Variants in HYDIN observed in about 807,000 individuals in gnomAD.
The protein encoded by HYDIN is HYDIN axonemal central pair apparatus protein.
Under a neutral mutation model 403.9 loss-of-function variants are expected in HYDIN, and 132 were observed. That is an observed-to-expected ratio of 0.33 (90% confidence interval 0.28 to 0.38). The LOEUF (loss-of-function observed/expected upper bound fraction) is 0.38, where lower values mean the gene tolerates loss of function less well. Ranked by LOEUF, HYDIN falls within the 10% of genes least tolerant of loss-of-function variation. HYDIN has a pLI of 1.00. For missense variants in HYDIN, 2,827 were observed against 5,009.5 expected (o/e 0.56, Z 13.15); for synonymous variants, 1,202 against 1,891.7 (o/e 0.64, Z 9.46).
At chr16:70,940,368 T>C (rs1467207211) in intron 43 of HYDIN, among the ~76,000 whole-genome samples, 1 of 151,822 alleles carries the variant, frequency 6.6e-6, no homozygotes, top group African/African-American at 2.4e-5. Context: ...TAATCACAGA[T>C]AAGAATAATA....
intron 1 of HYDIN, among the ~76,000 whole-genome samples, chr16:71,196,915 A>T (rs1261656600): frequency 1.3e-5 from 2 of 152,240 alleles, no homozygotes; most frequent in Non-Finnish European, 2.9e-5. Context: ...TGTTTAGCAT[A>T]TAATCAATAA....
At chr16:70,847,569 T>G (rs1365992288) in intron 75 of HYDIN, among the ~76,000 whole-genome samples, 1 of 152,172 alleles carries the variant, frequency 6.6e-6, no homozygotes, top group South Asian at 2.1e-4. Context: ...GGCAGAATAA[T>G]GGGAACTATT....
In HYDIN at chr16:71,036,817, A is replaced by T. The variant is rs1164636275; in HGVS notation, c.2530-4900T>A. ...CACGAGTCAGCCTCGAAACTACTCT[A>T]TCATCCTTGTGTCTCTTTGGTGGTT... On this transcript the variant is annotated intron_variant, in intron 18 of 85. Coordinates refer to ENST00000393567, the MANE Select transcript of HYDIN (RefSeq NM_001270974.2). Among the ~76,000 whole-genome samples the T allele has an allele frequency of 2.0e-5, 3 of 152,146 alleles. No individual in the cohort carries two copies. In the East Asian group the frequency reaches 5.8e-4, roughly 29 times the overall value.
chr16:71,167,664 C>T (rs900836423), intron 5 of HYDIN, among the ~76,000 whole-genome samples: 35 of 152,176 alleles, frequency 2.3e-4, no homozygotes, highest in African/African-American at 7.0e-4. Flanking sequence ...TCAATTCACA[C>T]ACCCATAAAA....
In HYDIN at chr16:70,949,295, C is replaced by T. The variant is rs908031468; in HGVS notation, c.6531+3126G>A. Among the ~76,000 whole-genome samples the T allele has an allele frequency of 2.3e-4, 26 of 114,448 alleles. 1 individual carries two copies. The East Asian group carries it at 2.4e-3, about 10-fold the overall frequency. The allele number at this position is 114,448 out of a possible 152,430, so 75.1% of individuals were successfully genotyped here. ...GACACAGGAAGGGGAACATCACACT[C>T]TGGGGACTGTTGTGGGGTGGGGGGA... On this transcript the variant is annotated intron_variant, in intron 41 of 85. Transcript: ENST00000393567.
intron 41 of HYDIN, among the ~76,000 whole-genome samples, chr16:70,946,697 G>C (rs2077873677): frequency 6.6e-6 from 1 of 152,196 alleles, no homozygotes; most frequent in Non-Finnish European, 1.5e-5. Flanking sequence ...TTAGTCATCT[G>C]TAAAGTGAGA....
At chr16:70,957,190 T>G (rs1266879014) in intron 39 of HYDIN, among the ~76,000 whole-genome samples, 88 of 150,670 alleles carry the variant, frequency 5.8e-4, no homozygotes, top group African/African-American at 2.0e-3. Flanking sequence ...TCTTTCTAGC[T>G]CTATGAATTT....
intron 30 of HYDIN, among the ~76,000 whole-genome samples, chr16:70,977,602 G>C (rs2078923981): frequency 6.8e-6 from 1 of 146,482 alleles, no homozygotes; most frequent in Non-Finnish European, 1.5e-5. Context: ...CCACATATAT[G>C]ATTCTTCCTT....
chr16:71,071,334 C>T lies in HYDIN; in HGVS notation c.1739-1832G>A, dbSNP rs112966866. On this transcript the variant is annotated intron_variant, in intron 13 of 85. Transcript: ENST00000393567. ...TCAAGAAGCCTAAAGGAAGGGGATG[C>T]TGATTTGTTAAAGACTGAAGGTCAT... Among the ~76,000 whole-genome samples, 1,408 of 151,798 alleles carry T rather than the reference C, an allele frequency of 9.3e-3. 17 individuals are homozygous for T. The highest frequency in any genetic ancestry group is 0.032 in the African/African-American group (1,336 of 41,324).
At chr16:71,125,827 C>T (rs761906310) in intron 9 of HYDIN, among the ~76,000 whole-genome samples, 147 of 152,280 alleles carry the variant, frequency 9.7e-4, no homozygotes, top group Non-Finnish European at 1.2e-3. Flanking sequence ...CACCCCTGGG[C>T]TGTTCCAGGT....
intron 55 of HYDIN, 155 bp downstream of exon 55, chr16:70,894,294 T>C (rs2041659796): frequency 6.3e-6 from 4 of 631,546 alleles, no homozygotes; most frequent in Admixed American, 3.0e-5. Flanking sequence ...TTTCCTTGAC[T>C]GACTGATAAG....
intron 18 of HYDIN, among the ~76,000 whole-genome samples, chr16:71,042,099 A>G (rs2081303172): frequency 6.6e-6 from 1 of 150,786 alleles, no homozygotes; most frequent in South Asian, 2.1e-4. Flanking sequence ...ATATTTGCAT[A>G]CGTTGTTTCT....
At chr16:70,961,464 C>G (rs535849090) in intron 38 of HYDIN, among the ~76,000 whole-genome samples, 1 of 152,318 alleles carries the variant, frequency 6.6e-6, no homozygotes, top group Non-Finnish European at 1.5e-5. Context: ...TTATAATGAC[C>G]AGCAAATGGC....
At chr16:71,097,960 T>C (rs1341085367) in intron 10 of HYDIN, among the ~76,000 whole-genome samples, 1 of 152,214 alleles carries the variant, frequency 6.6e-6, no homozygotes, top group East Asian at 1.9e-4. Flanking sequence ...GTATCTTTAA[T>C]GCTTTTTCCC....
chr16:70,938,237 T>C (rs926810009), intron 44 of HYDIN, among the ~76,000 whole-genome samples: 3 of 152,158 alleles, frequency 2.0e-5, no homozygotes, highest in African/African-American at 7.2e-5. Context: ...GCTGTGGACA[T>C]TGAAGCACCG....
chr16:70,935,866 C>CAA, intron 45 of HYDIN, 86 bp downstream of exon 45: 2 of 374,970 alleles, frequency 5.3e-6, no homozygotes, highest in Non-Finnish European at 9.1e-6. Context: ...AAAATCCCAA[C>CAA]ATGATCAGGC....
chr16:71,195,332 T>C (rs1253534421), intron 1 of HYDIN, among the ~76,000 whole-genome samples: 1 of 152,076 alleles, frequency 6.6e-6, no homozygotes, highest in African/African-American at 2.4e-5. Flanking sequence ...GAAGTAAATG[T>C]GAATGCATAA....
intron 67 of HYDIN, chr16:70,865,225 C>T (rs756680187): frequency 4.2e-4 from 157 of 377,344 alleles, no homozygotes; most frequent in Non-Finnish European, 6.0e-4. Context: ...TTCACTCTCA[C>T]TTTGTTCTCA....
intron 56 of HYDIN, 71 bp downstream of exon 56, chr16:70,892,290 G>A (rs1186199462): frequency 3.9e-6 from 6 of 1,543,228 alleles, no homozygotes; most frequent in Non-Finnish European, 5.2e-6. Context: ...ATTAGGTCAT[G>A]TATCCTTCTT....
Sources: allele counts gnomAD v4.1 joint callset (sites outside exome capture counted in the v4.1 genomes callset), GRCh38; gene constraint gnomAD v4.1.1; transcripts MANE v1.5; gene names NCBI Gene and HGNC (gene_info 2026-07-23, HGNC 2026-07-21).